DLGAP2: variants seen among roughly 807,000 people sequenced by gnomAD.
DLGAP2 encodes the protein DLG associated protein 2.
Under a neutral mutation model 100.3 loss-of-function variants are expected in DLGAP2, and 26 were observed. The observed-to-expected ratio is 0.26, with a 90% CI of 0.19 to 0.36. The LOEUF (loss-of-function observed/expected upper bound fraction) is 0.36, where lower values mean the gene tolerates loss of function less well. Ranked by LOEUF, DLGAP2 falls within the 10% of genes least tolerant of loss-of-function variation. The pLI is 1.00. For synonymous variants in DLGAP2, 886 were observed against 630.1 expected (o/e 1.41, Z -6.08); for missense variants, 1,858 against 1,453.2 (o/e 1.28, Z -4.53).
chr8:791,618 T>A (rs1446309700), intron 1 of DLGAP2, among the ~76,000 whole-genome samples: 1 of 152,234 alleles, frequency 6.6e-6, no homozygotes, highest in Non-Finnish European at 1.5e-5. Context: ...GTGCACCGTG[T>A]GCTGTGAATT....
intron 4 of DLGAP2, among the ~76,000 whole-genome samples, chr8:1,538,726 C>G (rs1801242410): frequency 6.6e-6 from 1 of 152,090 alleles, no homozygotes; most frequent in Non-Finnish European, 1.5e-5. Context: ...TTATCAGAGG[C>G]AAAGCCCCAG....
At chr8:1,498,805 C>G (rs898144378) in intron 3 of DLGAP2, among the ~76,000 whole-genome samples, 1 of 152,186 alleles carries the variant, frequency 6.6e-6, no homozygotes. Flanking sequence ...GGGTGCTGCC[C>G]TGTACAAAAT....
chr8:1,474,427 T>G (rs1174266445), intron 3 of DLGAP2, among the ~76,000 whole-genome samples: 1 of 152,232 alleles, frequency 6.6e-6, no homozygotes, highest in African/African-American at 2.4e-5. Flanking sequence ...ACGGTGGGTC[T>G]ACTCTTAGTT....
At chr8:1,431,507 G>A (rs1168991693) in intron 3 of DLGAP2, among the ~76,000 whole-genome samples, 2 of 152,238 alleles carry the variant, frequency 1.3e-5, no homozygotes, top group Non-Finnish European at 2.9e-5. Context: ...AGAAGAGAAA[G>A]GAGAAAGGAA....
At chr8:819,466 A>G (rs902473138) in intron 1 of DLGAP2, among the ~76,000 whole-genome samples, 3 of 152,236 alleles carry the variant, frequency 2.0e-5, no homozygotes, top group Admixed American at 6.5e-5. Context: ...CACAGTCATT[A>G]CTATTATTCC....
intron 8 of DLGAP2, among the ~76,000 whole-genome samples, chr8:1,663,276 C>G (rs575494633): frequency 1.3e-5 from 2 of 151,998 alleles, no homozygotes; most frequent in Admixed American, 6.6e-5. Flanking sequence ...ACTTTTCTTT[C>G]TCATACTGAA....
chr8:1,199,686 C>T (rs1174293861), intron 2 of DLGAP2, among the ~76,000 whole-genome samples: 2 of 151,982 alleles, frequency 1.3e-5, no homozygotes, highest in Non-Finnish European at 1.5e-5. Flanking sequence ...GATGGAGAGT[C>T]TTATGGGTAT....
intron 3 of DLGAP2, among the ~76,000 whole-genome samples, chr8:1,276,550 C>A (rs1052935298): frequency 1.3e-5 from 2 of 151,984 alleles, no homozygotes; most frequent in African/African-American, 4.8e-5. Context: ...GAAGGTGTTT[C>A]TCTTGCTATA....
intron 1 of DLGAP2, among the ~76,000 whole-genome samples, chr8:781,557 G>C (rs1358178612): frequency 6.6e-6 from 1 of 152,166 alleles, no homozygotes; most frequent in Admixed American, 6.5e-5. Flanking sequence ...GTGGGGTGTT[G>C]CCCAAGTACC....
intron 2 of DLGAP2, among the ~76,000 whole-genome samples, chr8:951,974 C>G (rs1157643130): frequency 6.6e-6 from 1 of 152,242 alleles, no homozygotes; most frequent in Non-Finnish European, 1.5e-5. Flanking sequence ...CCTGCTGATC[C>G]TGACTCTGGT....
At chr8:1,073,773 C>T (rs193194095) in intron 2 of DLGAP2, among the ~76,000 whole-genome samples, 1 of 152,314 alleles carries the variant, frequency 6.6e-6, no homozygotes, top group Admixed American at 6.5e-5. Context: ...TGAGAACTGC[C>T]GTTCCTTCCC....
chr8:889,261 G>A (rs928671204), intron 1 of DLGAP2, among the ~76,000 whole-genome samples: 4 of 152,210 alleles, frequency 2.6e-5, no homozygotes, highest in Non-Finnish European at 5.9e-5. Flanking sequence ...GGATATGATG[G>A]CTTAGCTTGG....
intron 2 of DLGAP2, among the ~76,000 whole-genome samples, chr8:1,056,297 A>T (rs1802881770): frequency 6.6e-6 from 1 of 152,154 alleles, no homozygotes. Context: ...CCTCTAACGC[A>T]TCCCATAGTT....
intron 8 of DLGAP2, among the ~76,000 whole-genome samples, chr8:1,650,043 G>A (rs1325068076): frequency 3.3e-5 from 5 of 152,286 alleles, no homozygotes; most frequent in Admixed American, 2.0e-4. Context: ...TTAAATATGC[G>A]GGCAGGTTAC....
At chr8:1,506,055 C>G (rs1261738064) in intron 4 of DLGAP2, among the ~76,000 whole-genome samples, 2 of 152,128 alleles carry the variant, frequency 1.3e-5, no homozygotes, top group African/African-American at 2.4e-5. Context: ...TAAAATAATA[C>G]TTAGAGCCTT....
At chr8:1,280,483 A>G (rs1799793771) in intron 3 of DLGAP2, among the ~76,000 whole-genome samples, 1 of 152,236 alleles carries the variant, frequency 6.6e-6, no homozygotes. Flanking sequence ...AAGGTATTTA[A>G]TAGGAGGATT....
chr8:1,699,619 A>C (rs1282878710), intron 14 of DLGAP2, among the ~76,000 whole-genome samples: 1 of 152,144 alleles, frequency 6.6e-6, no homozygotes, highest in Non-Finnish European at 1.5e-5. Flanking sequence ...GTCTCAAAAA[A>C]AAAAAGAAAG....
intron 3 of DLGAP2, among the ~76,000 whole-genome samples, chr8:1,453,738 C>G (rs1045852559): frequency 6.6e-6 from 1 of 152,102 alleles, no homozygotes; most frequent in Non-Finnish European, 1.5e-5. Context: ...ATGCACTTGC[C>G]TATTAGAAAA....
At chr8:758,311 T>C (rs1042874343) in intron 1 of DLGAP2, among the ~76,000 whole-genome samples, 1 of 152,246 alleles carries the variant, frequency 6.6e-6, no homozygotes, top group African/African-American at 2.4e-5. Context: ...GAAACAATCA[T>C]GAAGGCCTTT....
Sources: gnomAD v4.1 joint callset for allele counts (sites outside exome capture counted in the v4.1 genomes callset) on GRCh38, gnomAD v4.1.1 for gene constraint, MANE v1.5 for transcripts, NCBI Gene and HGNC (gene_info 2026-07-23, HGNC 2026-07-21) for gene names.